Variants in HS1BP3 observed in about 807,000 individuals in gnomAD.
HS1BP3 encodes the protein HCLS1-binding protein 3.
HS1BP3 carries 32 observed loss-of-function variants against 33.5 expected under a neutral mutation model. That is an observed-to-expected ratio of 0.95 (90% CI 0.72 to 1.28). The LOEUF (loss-of-function observed/expected upper bound fraction) is 1.28. Ranked by LOEUF, HS1BP3 falls within the 50% of genes most tolerant of loss-of-function variation. The pLI, the probability that HS1BP3 is intolerant of heterozygous loss-of-function variation, is 0.00. For synonymous variants in HS1BP3, 187 were observed against 209.2 expected, an observed-to-expected ratio of 0.89 and a Z score of 0.92; for missense variants, 486 against 502.3, an observed-to-expected ratio of 0.97 and a Z score of 0.31.
At chr2:20,569,333 C>T (rs750660198) in intron 5 of HS1BP3, among the ~76,000 whole-genome samples, 32 of 152,172 alleles carry the variant, frequency 2.1e-4, no homozygotes, top group Non-Finnish European at 4.1e-4. Context: ...TTTTTCTGTG[C>T]AAGCTGCTGG....
intron 5 of HS1BP3, chr2:20,586,734 T>C (rs897953648): frequency 3.3e-5 from 5 of 152,168 alleles, no homozygotes; most frequent in African/African-American, 1.2e-4. Flanking sequence ...AGAGAGCTCA[T>C]CAAATGATTT....
At chr2:20,571,240 A>T (rs1322683178) in intron 5 of HS1BP3, among the ~76,000 whole-genome samples, 1 of 152,164 alleles carries the variant, frequency 6.6e-6, no homozygotes, top group East Asian at 1.9e-4. Context: ...CCATTCTGTC[A>T]GGCCTTTCCC....
At chr2:20,568,659 C>T (rs1572289882) in intron 5 of HS1BP3, among the ~76,000 whole-genome samples, 1 of 152,116 alleles carries the variant, frequency 6.6e-6, no homozygotes, top group East Asian at 1.9e-4. Context: ...GGCAGCAGCT[C>T]CTGGAAGGAG....
chr2:20,613,298 T>A (rs1694350966), downstream of HS1BP3, among the ~76,000 whole-genome samples: 1 of 152,220 alleles, frequency 6.6e-6, no homozygotes, highest in Non-Finnish European at 1.5e-5. Context: ...GTAAAGGCAG[T>A]TGGCCTGCAG....
chr2:20,641,243 C>A, intron 2 of HS1BP3, 63 bp from the exon 3 acceptor site: 1 of 1,470,816 alleles, frequency 6.8e-7, no homozygotes, highest in South Asian at 1.2e-5. Context: ...CCTTTCTCAC[C>A]CCGACCAGGG....
chr2:20,637,000 C>T (rs1172289096), intron 4 of HS1BP3: 5 of 151,416 alleles, frequency 3.3e-5, no homozygotes, highest in African/African-American at 1.2e-4. Context: ...GGGTGAGGGC[C>T]CCAGAGTACA....
intron 6 of HS1BP3, 146 bp from the exon 7 acceptor site, chr2:20,619,391 C>A: frequency 2.9e-6 from 2 of 688,210 alleles, no homozygotes; most frequent in South Asian, 3.8e-5. Flanking sequence ...CCTGCTCTGC[C>A]CCATTCCACT....
Position 20,599,150 on chromosome 2 carries a change from C to T in HS1BP3, c.179-885G>A, listed in dbSNP as rs1211595387. On this transcript the variant is annotated intron_variant, in intron 2 of 3. Coordinates refer to the HS1BP3 transcript ENST00000415264. The stretch of plus-strand genomic sequence containing the variant: ...AACGTGTCTATTCTTTTCAGACTCC[C>T]GGCAACCAATCCGGGCCAGTAGCTG... 6.9e-4 allele frequency among the ~76,000 whole-genome samples: 105 copies of T among 152,232 alleles called. 3 individuals are homozygous for T. The highest frequency in any genetic ancestry group is 2.1e-4 in the Non-Finnish European group (14 of 68,034).
chr2:20,555,806 T>C (rs78902097), downstream of HS1BP3, among the ~76,000 whole-genome samples: 928 of 152,280 alleles, frequency 6.1e-3, 6 homozygotes, highest in African/African-American at 0.021. Context: ...CTTGGTATAA[T>C]GCAATGGGCT....
intron 2 of HS1BP3, among the ~76,000 whole-genome samples, chr2:20,608,596 A>G (rs1294008218): frequency 6.9e-6 from 1 of 145,872 alleles, no homozygotes. Flanking sequence ...AAAAAAAAAA[A>G]GAAGTAGCAG....
downstream of HS1BP3, among the ~76,000 whole-genome samples, chr2:20,590,047 G>A (rs1231790741): frequency 6.6e-6 from 1 of 152,172 alleles, no homozygotes; most frequent in Non-Finnish European, 1.5e-5. Flanking sequence ...ATAAAGGAAG[G>A]AGGCTAGCAC....
At chr2:20,567,347 C>T (rs1693154593) in intron 5 of HS1BP3, among the ~76,000 whole-genome samples, 3 of 152,226 alleles carry the variant, frequency 2.0e-5, no homozygotes, top group Admixed American at 2.0e-4. Context: ...GCCTTGCCCT[C>T]ACACTGATTC....
At chr2:20,621,532 C>T (rs1024454207) in intron 6 of HS1BP3, among the ~76,000 whole-genome samples, 1 of 152,256 alleles carries the variant, frequency 6.6e-6, no homozygotes. Flanking sequence ...CCGGAGCTCC[C>T]TCCAAGTGGC....
intron 4 of HS1BP3, among the ~76,000 whole-genome samples, chr2:20,627,690 C>T (rs909278238): frequency 2.0e-5 from 3 of 152,182 alleles, no homozygotes; most frequent in African/African-American, 2.4e-5. Flanking sequence ...TACCCTACCC[C>T]CACCCACCCA....
intron 5 of HS1BP3, among the ~76,000 whole-genome samples, chr2:20,568,885 T>A (rs1444466425): frequency 6.6e-6 from 1 of 152,182 alleles, no homozygotes; most frequent in Non-Finnish European, 1.5e-5. Flanking sequence ...CTCATCAGCA[T>A]CCTCTCTACT....
At chr2:20,629,093 C>G (rs569581854) in intron 4 of HS1BP3, among the ~76,000 whole-genome samples, 1 of 152,132 alleles carries the variant, frequency 6.6e-6, no homozygotes, top group African/African-American at 2.4e-5. Flanking sequence ...TTAAGGTGAT[C>G]GGCTGACAGA....
chr2:20,613,239 G>A (rs192236210), downstream of HS1BP3, among the ~76,000 whole-genome samples: 76 of 152,358 alleles, frequency 5.0e-4, 1 homozygote, highest in African/African-American at 1.8e-3. Context: ...CTGTGGAGAC[G>A]TCAAGGGCGA....
chr2:20,599,916 C>G (rs1694033087), intron 2 of HS1BP3, among the ~76,000 whole-genome samples: 1 of 152,154 alleles, frequency 6.6e-6, no homozygotes, highest in African/African-American at 2.4e-5. Flanking sequence ...TCTGTGAAGT[C>G]ACAGGCAGCC....
chr2:20,644,708 T>G lies in HS1BP3; in HGVS notation c.198+632A>C, dbSNP rs959590824. On this transcript the variant is annotated intron_variant, in intron 2 of 6. Transcript: ENST00000304031. ...CCATGTATCTGGGCTCCCTGACACCTGTTTTGTTCCTTCCAATCCAACTCC... is the reference window on the plus strand; with the variant it reads ...CCATGTATCTGGGCTCCCTGACACCGGTTTTGTTCCTTCCAATCCAACTCC... 2.6e-5 allele frequency among the ~76,000 whole-genome samples: 4 copies of G among 152,320 alleles called. No individual in the cohort carries two copies. In the East Asian group the frequency reaches 7.7e-4, roughly 29 times the overall value.
Sources: allele counts gnomAD v4.1 joint callset (sites outside exome capture counted in the v4.1 genomes callset), GRCh38; gene constraint gnomAD v4.1.1; transcripts MANE v1.5; gene names NCBI Gene and HGNC (gene_info 2026-07-23, HGNC 2026-07-21).